The following CCAR1 variants were observed in gnomAD, a reference collection of about 807,000 sequenced individuals.
CCAR1 encodes the protein cell division cycle and apoptosis regulator protein 1.
In CCAR1, 78 loss-of-function variants were observed where a neutral mutation model predicts 163.8. That is an observed-to-expected ratio of 0.48 (90% CI 0.40 to 0.57). The LOEUF (loss-of-function observed/expected upper bound fraction) is 0.57. Ranked by LOEUF, CCAR1 falls within the 20% of genes least tolerant of loss-of-function variation. The probability of loss-of-function intolerance (pLI) is 0.00; values close to 1 mark genes in which losing one functional copy is unlikely to be tolerated. For missense variants in CCAR1, 1,019 were observed against 1,365.2 expected, an observed-to-expected ratio of 0.75 and a Z score of 4.00; for synonymous variants, 443 against 460.7, an observed-to-expected ratio of 0.96 and a Z score of 0.49.
At chr10:68,732,125 A>T (rs947127150) in intron 2 of CCAR1, among the ~76,000 whole-genome samples, 6 of 152,158 alleles carry the variant, frequency 3.9e-5, no homozygotes, top group Admixed American at 1.3e-4. Flanking sequence ...CAGCAGAGTG[A>T]AACAGCAAAT....
intron 2 of CCAR1, among the ~76,000 whole-genome samples, chr10:68,726,584 T>C (rs2055951088): frequency 6.6e-6 from 1 of 152,200 alleles, no homozygotes; most frequent in Non-Finnish European, 1.5e-5. Context: ...TTTTAAATTC[T>C]AACTGCTTAC....
chr10:68,763,145 ATTTG>A (rs2056494373), intron 16 of CCAR1, among the ~76,000 whole-genome samples: 1 of 146,944 alleles, frequency 6.8e-6, no homozygotes, highest in Non-Finnish European at 1.5e-5. Flanking sequence ...TTTTAACTTT[ATTTG>A]TTTATTTATT....
intron 21 of CCAR1, chr10:68,787,718 C>A: frequency 2.5e-6 from 1 of 401,620 alleles, no homozygotes; most frequent in Non-Finnish European, 4.4e-6. Flanking sequence ...GCCTGTAATA[C>A]CAGCTACTCT....
At chr10:68,783,037 C>CT (rs1323480286) in intron 19 of CCAR1, among the ~76,000 whole-genome samples, 2 of 134,950 alleles carry the variant, frequency 1.5e-5, no homozygotes, top group Non-Finnish European at 3.1e-5. Context: ...GGGTTTCACT[C>CT]TGTCATGCAG....
intron 18 of CCAR1, among the ~76,000 whole-genome samples, chr10:68,771,672 A>G (rs990266547): frequency 6.6e-5 from 10 of 152,080 alleles, no homozygotes; most frequent in Non-Finnish European, 4.4e-5. Context: ...AGTCCTAGCT[A>G]TTGGGGAGGC....
At chr10:68,768,799 C>G (rs1001728907) in intron 17 of CCAR1, among the ~76,000 whole-genome samples, 16 of 151,888 alleles carry the variant, frequency 1.1e-4, no homozygotes, top group Non-Finnish European at 2.2e-4. Context: ...AGTGAGACTC[C>G]CATCTCAATT....
rs891301600 is a variant in CCAR1, at chr10:68,789,624, A to G, written c.3188-86A>G. 6.3e-6 allele frequency: 5 copies of G among 797,772 alleles called. No homozygotes were observed. In the East Asian group the frequency reaches 8.2e-5, roughly 13 times the overall value. 49.4% of individuals were successfully genotyped at this position (797,772 alleles called of 1,614,324 possible). On this transcript the variant is annotated intron_variant, in intron 23 of 24. Coordinates refer to ENST00000265872, the MANE Select transcript of CCAR1 (RefSeq NM_018237.4). Reference sequence around the variant, plus strand: ...TTTTATGGAATTCTATCAGCTTTTTATTTTCACAGCTTAAATATTTTAACC... The same window carrying G: ...TTTTATGGAATTCTATCAGCTTTTTGTTTTCACAGCTTAAATATTTTAACC...
At chr10:68,769,985 G>A (rs921317221) in intron 17 of CCAR1, among the ~76,000 whole-genome samples, 3 of 151,366 alleles carry the variant, frequency 2.0e-5, no homozygotes, top group East Asian at 1.9e-4. Flanking sequence ...AGGTTTATGC[G>A]TATGCTATAG....
At chr10:68,785,207 G>A (rs1043406235) in intron 19 of CCAR1, among the ~76,000 whole-genome samples, 8 of 151,010 alleles carry the variant, frequency 5.3e-5, no homozygotes, top group Non-Finnish European at 1.2e-4. Flanking sequence ...GTGAGGCACC[G>A]CACCCGGCCC....
At chr10:68,726,960 A>C (rs1232964758) in intron 2 of CCAR1, among the ~76,000 whole-genome samples, 1 of 150,018 alleles carries the variant, frequency 6.7e-6, no homozygotes, top group Non-Finnish European at 1.5e-5. Flanking sequence ...GTGCCACTGC[A>C]CTCCAGCCTG....
intron 8 of CCAR1, among the ~76,000 whole-genome samples, chr10:68,748,367 T>C (rs2056285529): frequency 6.6e-6 from 1 of 151,690 alleles, no homozygotes. Context: ...GCCATCGCAC[T>C]TCAGTCTGGG....
In CCAR1 at chr10:68,758,783, G is replaced by A. The variant is rs546271985; in HGVS notation, c.1920+1406G>A. On this transcript the variant is annotated intron_variant, in intron 15 of 24. Coordinates refer to ENST00000265872, the MANE Select transcript of CCAR1 (RefSeq NM_018237.4). ...TGCCTCCCGGGTTCAAGAGATTCTCGTGCCTCAGCCTCCCGAGTAGCTGGG... is the reference window on the plus strand; with the variant it reads ...TGCCTCCCGGGTTCAAGAGATTCTCATGCCTCAGCCTCCCGAGTAGCTGGG... 4.0e-5 allele frequency among the ~76,000 whole-genome samples: 6 copies of A among 151,098 alleles called. No homozygotes were observed. In the East Asian group the frequency reaches 9.7e-4, roughly 25 times the overall value.
At chr10:68,737,498 CAAAAAA>C (rs1200590065) in intron 3 of CCAR1, among the ~76,000 whole-genome samples, 1 of 64,434 alleles carries the variant, frequency 1.6e-5, no homozygotes, top group Admixed American at 2.0e-4. Flanking sequence ...ACCCTGTGTC[CAAAAAA>C]AAAAAAAAAA....
At chr10:68,723,134 A>G (rs1311024635) in intron 2 of CCAR1, among the ~76,000 whole-genome samples, 1 of 140,960 alleles carries the variant, frequency 7.1e-6, no homozygotes, top group Non-Finnish European at 1.6e-5. Context: ...ATTTTTATTT[A>G]TTTATTTTTT....
intron 6 of CCAR1, among the ~76,000 whole-genome samples, chr10:68,745,978 A>G (rs183630497): frequency 1.7e-4 from 26 of 151,560 alleles, no homozygotes; most frequent in African/African-American, 6.3e-4. Context: ...TTTTTTATTT[A>G]TTTATTTATT....
In CCAR1 at chr10:68,748,254, CTG is replaced by C. The variant is rs1336467310; in HGVS notation, c.826+689_826+690del. Among the ~76,000 whole-genome samples, 4 of 152,096 alleles carry C rather than the reference CTG, an allele frequency of 2.6e-5. No homozygotes were observed. The South Asian group carries it at 8.3e-4, about 32-fold the overall frequency. ...CACTTTTGGAAAAATACAAAAAAAA[CTG>C]GGTCGTGGTGGCAGGCGCCTGTAAC... is the stretch of plus-strand genomic sequence containing the variant. On this transcript the variant is annotated intron_variant, in intron 8 of 24. Transcript: ENST00000265872.
intron 19 of CCAR1, among the ~76,000 whole-genome samples, chr10:68,782,526 T>G (rs2056748717): frequency 1.3e-5 from 2 of 152,188 alleles, no homozygotes; most frequent in South Asian, 4.1e-4. Context: ...CAAAACAGCC[T>G]TCTTCCATCG....
At chr10:68,778,937 G>T (rs1402785158) in intron 19 of CCAR1, among the ~76,000 whole-genome samples, 1 of 152,092 alleles carries the variant, frequency 6.6e-6, no homozygotes, top group African/African-American at 2.4e-5. Context: ...TCCAACCTCC[G>T]CCTCCCGGAT....
At chr10:68,739,277 G>A (rs917017998) in intron 4 of CCAR1, among the ~76,000 whole-genome samples, 4 of 152,116 alleles carry the variant, frequency 2.6e-5, no homozygotes, top group Non-Finnish European at 5.9e-5. Flanking sequence ...AGCCTCCTGA[G>A]TAGCTAGGAT....
Sources: allele counts gnomAD v4.1 joint callset (sites outside exome capture counted in the v4.1 genomes callset), GRCh38; gene constraint gnomAD v4.1.1; transcripts MANE v1.5; gene names NCBI Gene and HGNC (gene_info 2026-07-23, HGNC 2026-07-21).